FNIP1: variants seen among roughly 807,000 people sequenced by gnomAD.
The protein encoded by FNIP1 is folliculin-interacting protein 1.
In FNIP1, 40 loss-of-function variants were observed where a neutral mutation model predicts 124.5. The observed-to-expected ratio is 0.32, with a 90% CI of 0.25 to 0.42. The LOEUF (loss-of-function observed/expected upper bound fraction) is 0.42. FNIP1 is among the 10% of genes least tolerant of loss of function. The probability of loss-of-function intolerance (pLI) is 1.00; values close to 1 mark genes in which losing one functional copy is unlikely to be tolerated. For synonymous variants in FNIP1, 472 were observed against 470.6 expected (o/e 1.00, Z -0.04); for missense variants, 1,176 against 1,403.7 (o/e 0.84, Z 2.59).
At chr5:131,657,897 C>T (rs1386451997) in intron 15 of FNIP1, among the ~76,000 whole-genome samples, 3 of 151,768 alleles carry the variant, frequency 2.0e-5, no homozygotes, top group African/African-American at 4.8e-5. Flanking sequence ...AAAAATTAGC[C>T]GGGTGTGGCA....
intron 1 of FNIP1, among the ~76,000 whole-genome samples, chr5:131,773,709 C>T (rs183662986): frequency 6.6e-6 from 1 of 152,252 alleles, no homozygotes; most frequent in East Asian, 1.9e-4. Flanking sequence ...GTATGTGCTA[C>T]TATATTAGAA....
chr5:131,655,565 A>G (rs1035927057), intron 15 of FNIP1, among the ~76,000 whole-genome samples: 4 of 152,162 alleles, frequency 2.6e-5, no homozygotes, highest in Non-Finnish European at 5.9e-5. Context: ...ATAGTTTTGT[A>G]GCTACTTCCT....
chr5:131,773,954 G>C (rs940468098), intron 1 of FNIP1, among the ~76,000 whole-genome samples: 1 of 152,176 alleles, frequency 6.6e-6, no homozygotes, highest in Non-Finnish European at 1.5e-5. Flanking sequence ...GCATTAAAAA[G>C]AGGGAGCAGG....
At chr5:131,716,370 T>C (rs759642699) in intron 6 of FNIP1, among the ~76,000 whole-genome samples, 195 bp downstream of exon 6, 1 of 152,158 alleles carries the variant, frequency 6.6e-6, no homozygotes, top group Non-Finnish European at 1.5e-5. Flanking sequence ...AAAATAAATA[T>C]TGTGTTCAAA....
intron 11 of FNIP1, among the ~76,000 whole-genome samples, chr5:131,680,510 T>C (rs1768046074): frequency 6.6e-6 from 1 of 152,232 alleles, no homozygotes; most frequent in South Asian, 2.1e-4. Flanking sequence ...TTATTACAGG[T>C]GTCCAGATAC....
At chr5:131,647,451 C>T in intron 16 of FNIP1, among the ~76,000 whole-genome samples, 1 of 146,468 alleles carries the variant, frequency 6.8e-6, no homozygotes, top group East Asian at 2.0e-4. Context: ...AATACACATA[C>T]AATTTGCCCT....
chr5:131,660,046 TGCCCGTGAA>T, intron 15 of FNIP1, among the ~76,000 whole-genome samples: 1 of 152,196 alleles, frequency 6.6e-6, no homozygotes, highest in East Asian at 1.9e-4. Context: ...GGGGCATCGT[TGCCCGTGAA>T]GCAGACCTTC....
chr5:131,742,439 G>A (rs1770543534), intron 2 of FNIP1, among the ~76,000 whole-genome samples: 1 of 152,138 alleles, frequency 6.6e-6, no homozygotes, highest in African/African-American at 2.4e-5. Flanking sequence ...CTCCAGCCTG[G>A]GCGAGAGAGC....
chr5:131,717,787 T>C (rs757614012), intron 5 of FNIP1, among the ~76,000 whole-genome samples: 1 of 152,148 alleles, frequency 6.6e-6, no homozygotes, highest in Non-Finnish European at 1.5e-5. Context: ...GATTCCAACA[T>C]GGAATCTTTA....
chr5:131,750,172 A>G (rs1770822845), intron 1 of FNIP1, among the ~76,000 whole-genome samples: 1 of 152,180 alleles, frequency 6.6e-6, no homozygotes, highest in African/African-American at 2.4e-5. Context: ...GAACAAAAGA[A>G]AAGGAAGGCT....
At chr5:131,683,878 T>TG (rs1379909945) in intron 11 of FNIP1, among the ~76,000 whole-genome samples, 1 of 152,188 alleles carries the variant, frequency 6.6e-6, no homozygotes, top group Non-Finnish European at 1.5e-5. Context: ...TATGAGCCTC[T>TG]GGTCACATTT....
chr5:131,688,347 T>G (rs1768355073), intron 11 of FNIP1, among the ~76,000 whole-genome samples: 1 of 150,698 alleles, frequency 6.6e-6, no homozygotes, highest in Non-Finnish European at 1.5e-5. Flanking sequence ...ACAACTAACA[T>G]TACAGCAAAC....
intron 15 of FNIP1, among the ~76,000 whole-genome samples, chr5:131,663,236 G>C (rs1009674339): frequency 6.6e-6 from 1 of 152,190 alleles, no homozygotes; most frequent in Non-Finnish European, 1.5e-5. Flanking sequence ...TTTTTCTCTT[G>C]AGAGCTCCAC....
At chr5:131,768,465 GTTTT>G (rs34123871) in intron 1 of FNIP1, among the ~76,000 whole-genome samples, 2 of 148,362 alleles carry the variant, frequency 1.3e-5, no homozygotes, top group Non-Finnish European at 1.5e-5. Context: ...GTCATACACA[GTTTT>G]TTTTTTTTTT....
intron 13 of FNIP1, 115 bp downstream of exon 13, chr5:131,677,588 G>T: frequency 1.0e-6 from 1 of 959,864 alleles, no homozygotes; most frequent in Non-Finnish European, 1.5e-6. Flanking sequence ...AAGCAGAGAT[G>T]CTTTAGAATG....
At position 131,748,203 on chromosome 5, in the gene FNIP1, A is replaced by G. The variant is rs551463727; in HGVS notation, c.93-3513T>C. Among the ~76,000 whole-genome samples, 4 of 152,268 alleles carry G rather than the reference A, an allele frequency of 2.6e-5. No homozygotes were observed. The East Asian group carries it at 7.7e-4, about 29-fold the overall frequency. On this transcript the variant is annotated intron_variant, in intron 1 of 17. Coordinates refer to ENST00000510461, the MANE Select transcript of FNIP1 (RefSeq NM_133372.3). ...TTTTGGTCAACAACAAACTGTATAT[A>G]TGATGGTGGTCTCATAAGATTATAA... is the stretch of plus-strand genomic sequence containing the variant.
chr5:131,795,042 T>C (rs1772536218), intron 1 of FNIP1, among the ~76,000 whole-genome samples: 1 of 152,262 alleles, frequency 6.6e-6, no homozygotes, highest in Non-Finnish European at 1.5e-5. Flanking sequence ...CTGGGTTGAT[T>C]AGATCTGTAA....
In FNIP1 at chr5:131,754,855, T is replaced by C. The variant is rs181329808; in HGVS notation, c.93-10165A>G. Among the ~76,000 whole-genome samples the C allele has an allele frequency of 3.9e-4, 59 of 152,288 alleles. No individual in the cohort carries two copies. In the East Asian group the frequency reaches 0.011, roughly 29 times the overall value. Reference sequence around the variant, plus strand: ...AGAGAGAAGCCTGGAGAAAAGAATGTTATATACCCTGAACTAAGGAATAGC... The same window carrying C: ...AGAGAGAAGCCTGGAGAAAAGAATGCTATATACCCTGAACTAAGGAATAGC... On this transcript the variant is annotated intron_variant, in intron 1 of 17. Transcript: ENST00000510461.
Position 131,679,132 on chromosome 5 carries a change from G to T in FNIP1, c.1246C>A (p.Pro416Thr). 6.2e-7 allele frequency: 1 copy of T among 1,601,482 alleles called. No homozygotes were observed. Among genetic ancestry groups the T allele is most frequent in the Non-Finnish European group, 8.6e-7 (1 of 1,169,130 alleles). The change falls in exon 12 of 18, where the codon CCT becomes ACT. Residue 416 changes from proline (P) to threonine (T), a missense_variant. Around this residue, in one of 2 missense-constraint regions of FNIP1, gnomAD observed 1,109 missense variants for 1,288.5 expected, o/e 0.86. Coordinates refer to ENST00000510461, the MANE Select transcript of FNIP1 (RefSeq NM_133372.3). ...CCCGACATCATTGTAAGCCAGACAG[G>T]TTCTCCAATTCGTGGCATCGTGTAA... ...NLYTMPRIGE[P>T]VWLTMMSGTP...
Sources: gnomAD v4.1 joint callset for allele counts (sites outside exome capture counted in the v4.1 genomes callset) on GRCh38, gnomAD v4.1.1 for gene constraint, gnomAD v4.1.1 regional missense constraint, MANE v1.5 for transcripts, NCBI Gene and HGNC (gene_info 2026-07-23, HGNC 2026-07-21) for gene names.